The following AIDA variants were observed in gnomAD, a reference collection of about 807,000 sequenced individuals.
The protein encoded by AIDA is axin interactor, dorsalization associated.
AIDA carries 18 observed loss-of-function variants against 42.7 expected under a neutral mutation model. The ratio of observed to expected loss-of-function variants is 0.42; its 90% confidence interval spans 0.29 to 0.63. AIDA has a LOEUF of 0.63. AIDA is among the 20% of genes least tolerant of loss of function. The probability of loss-of-function intolerance (pLI) is 0.19; values close to 1 mark genes in which losing one functional copy is unlikely to be tolerated. For missense variants in AIDA, 250 were observed against 354.1 expected (o/e 0.71, Z 2.36); for synonymous variants, 104 against 122.9 (o/e 0.85, Z 1.02).
intron 1 of AIDA, among the ~76,000 whole-genome samples, chr1:222,710,650 T>C (rs1655977170): frequency 6.6e-6 from 1 of 152,230 alleles, no homozygotes; most frequent in African/African-American, 2.4e-5. Context: ...TCTTATCATT[T>C]GTCTAATTCA....
At chr1:222,711,484 T>C (rs1157434741) in intron 1 of AIDA, 1 of 152,160 alleles carries the variant, frequency 6.6e-6, no homozygotes, top group Non-Finnish European at 1.5e-5. Context: ...CTCTCTTCGG[T>C]TCACATCCTG....
chr1:222,691,612 T>C (rs1327002938), intron 4 of AIDA, among the ~76,000 whole-genome samples: 1 of 152,158 alleles, frequency 6.6e-6, no homozygotes, highest in Non-Finnish European at 1.5e-5. Context: ...AGAACATCCT[T>C]TCTAAACTTC....
intron 1 of AIDA, chr1:222,711,997 G>A (rs1656074859): frequency 1.6e-6 from 1 of 639,728 alleles, no homozygotes; most frequent in Non-Finnish European, 2.7e-6. Flanking sequence ...GAGGCGGAGA[G>A]GGAAGAAGGC....
At chr1:222,677,883 CA>C (rs1664580820) in intron 6 of AIDA, among the ~76,000 whole-genome samples, 3 of 151,948 alleles carry the variant, frequency 2.0e-5, no homozygotes, top group Admixed American at 6.6e-5. Context: ...AAAAACACCT[CA>C]ATAGAGAACC....
At chr1:222,679,108 C>T (rs1664607225) in intron 6 of AIDA, among the ~76,000 whole-genome samples, 1 of 152,092 alleles carries the variant, frequency 6.6e-6, no homozygotes, top group South Asian at 2.1e-4. Flanking sequence ...GGCCTGAAAA[C>T]ATATATCAAT....
intron 1 of AIDA, among the ~76,000 whole-genome samples, chr1:222,706,043 A>C (rs1197998712): frequency 2.0e-5 from 3 of 152,234 alleles, no homozygotes; most frequent in Non-Finnish European, 4.4e-5. Context: ...AGTTAAAAAA[A>C]TTTACAGAAG....
chr1:222,687,733 T>A, intron 4 of AIDA, 75 bp from the exon 5 acceptor site: 2 of 1,110,640 alleles, frequency 1.8e-6, no homozygotes, highest in Non-Finnish European at 2.5e-6. Context: ...ATGATTAATT[T>A]TTAATCAATT....
chr1:222,690,582 T>C (rs1655343650), intron 4 of AIDA, among the ~76,000 whole-genome samples: 1 of 152,156 alleles, frequency 6.6e-6, no homozygotes, highest in Admixed American at 6.5e-5. Context: ...CATATTGGCA[T>C]CCCAAAGGAG....
In AIDA at chr1:222,705,615, G is replaced by A. The variant is rs148435710; in HGVS notation, c.111-2398C>T. Reference sequence around the variant, plus strand: ...AAAGTTATGCAAGGCCAGGCAGAGTGGCTCACACCTGTAATCCCAGCACTT... The same window carrying A: ...AAAGTTATGCAAGGCCAGGCAGAGTAGCTCACACCTGTAATCCCAGCACTT... On this transcript the variant is annotated intron_variant, in intron 1 of 9. Transcript: ENST00000340020. 3.0e-3 allele frequency among the ~76,000 whole-genome samples: 455 copies of A among 152,324 alleles called. 2 individuals carry two copies. Among genetic ancestry groups the A allele is most frequent in the African/African-American group, 0.01 (433 of 41,570 alleles).
intron 1 of AIDA, 58 bp from the exon 2 acceptor site, chr1:222,703,275 T>C: frequency 7.6e-7 from 1 of 1,318,500 alleles, no homozygotes; most frequent in Non-Finnish European, 1.1e-6. Flanking sequence ...TGCAACAAAG[T>C]GTAACAATTT....
At chr1:222,704,684 T>G (rs1433286534) in intron 1 of AIDA, among the ~76,000 whole-genome samples, 1 of 151,742 alleles carries the variant, frequency 6.6e-6, no homozygotes, top group African/African-American at 2.4e-5. Flanking sequence ...AAGTATGGGG[T>G]TTCTTTCGGG....
intron 3 of AIDA, 119 bp downstream of exon 3, chr1:222,694,091 G>C: frequency 2.1e-6 from 2 of 937,202 alleles, no homozygotes; most frequent in Non-Finnish European, 3.2e-6. Flanking sequence ...GAATTTAATA[G>C]ATGTTGTTAT....
At position 222,668,247 on chromosome 1, in the gene AIDA, T is replaced by G. The variant is rs1664376659; in HGVS notation, c.*1646A>C. The G allele has an allele frequency of 6.8e-6, 1 of 147,804 alleles. No individual in the cohort carries two copies. Among genetic ancestry groups the G allele is most frequent in the African/African-American group, 2.5e-5 (1 of 39,822 alleles). The allele number at this position is 147,804 out of a possible 1,614,324, so 9.2% of individuals were successfully genotyped here. ...ACATCAAACAAAAGGTACTGAGTAC[T>G]CCACAGGGTACAGAGTGCTGCCAAG... is the stretch of plus-strand genomic sequence containing the variant. On this transcript the variant is annotated 3_prime_UTR_variant, in exon 10 of 10. Transcript: ENST00000340020.
intron 4 of AIDA, among the ~76,000 whole-genome samples, chr1:222,691,022 T>C (rs1655355602): frequency 6.6e-6 from 1 of 152,110 alleles, no homozygotes; most frequent in Admixed American, 6.5e-5. Flanking sequence ...CTGTGATTAG[T>C]GTTATAAAGG....
At chr1:222,683,602 G>A (rs145755977) in intron 6 of AIDA, among the ~76,000 whole-genome samples, 106 of 152,298 alleles carry the variant, frequency 7.0e-4, no homozygotes, top group African/African-American at 2.5e-3. Flanking sequence ...CTTGGATCAT[G>A]TTACTTAGTA....
chr1:222,708,063 C>T (rs1400309105), intron 1 of AIDA, among the ~76,000 whole-genome samples: 3 of 152,094 alleles, frequency 2.0e-5, no homozygotes, highest in Admixed American at 1.3e-4. Context: ...AATCCCAGGA[C>T]TTTGGGAGGC....
intron 5 of AIDA, 103 bp from the exon 6 acceptor site, chr1:222,687,139 A>C: frequency 6.6e-7 from 1 of 1,519,640 alleles, no homozygotes. Flanking sequence ...ATATAAAAAA[A>C]TGCTGATAGG....
intron 6 of AIDA, among the ~76,000 whole-genome samples, chr1:222,678,956 T>A (rs926131297): frequency 6.6e-6 from 1 of 152,210 alleles, no homozygotes; most frequent in East Asian, 1.9e-4. Flanking sequence ...GTGAGCATCC[T>A]GAAAGACGGG....
At chr1:222,696,526 G>C (rs74626090) in intron 2 of AIDA, among the ~76,000 whole-genome samples, 228 of 152,270 alleles carry the variant, frequency 1.5e-3, no homozygotes, top group African/African-American at 5.3e-3. Flanking sequence ...ACTTGCCCTA[G>C]GCATCAATGC....
Sources: allele counts gnomAD v4.1 joint callset (sites outside exome capture counted in the v4.1 genomes callset), GRCh38; gene constraint gnomAD v4.1.1; transcripts MANE v1.5; gene names NCBI Gene and HGNC (gene_info 2026-07-23, HGNC 2026-07-21).